The following NBAS variants were observed in gnomAD, a reference collection of about 807,000 sequenced individuals.
NBAS encodes NBAS subunit of NRZ tethering complex, also known as NAG/BC035112 fusion.
In NBAS, 219 loss-of-function variants were observed where a neutral mutation model predicts 302.5. That is an observed-to-expected ratio of 0.72 (90% CI 0.65 to 0.81). The LOEUF is 0.81. NBAS is among the 30% of genes least tolerant of loss of function. The probability of loss-of-function intolerance (pLI) is 0.00; values close to 1 mark genes in which losing one functional copy is unlikely to be tolerated. For missense variants in NBAS, 2,932 were observed against 2,841.6 expected (o/e 1.03, Z -0.72); for synonymous variants, 1,118 against 1,021.6 (o/e 1.09, Z -1.80).
chr2:15,467,432 C>A (rs1442958700), intron 18 of NBAS, 25 bp from the exon 19 acceptor site: 2 of 1,559,388 alleles, frequency 1.3e-6, no homozygotes, highest in East Asian at 4.5e-5. Context: ...TATGTTAGGC[C>A]ACTTATATTT....
At chr2:15,497,987 A>G (rs1173933269) in intron 11 of NBAS, among the ~76,000 whole-genome samples, 1 of 152,250 alleles carries the variant, frequency 6.6e-6, no homozygotes, top group African/African-American at 2.4e-5. Context: ...ACAAATTATT[A>G]AAGGAACTAA....
At chr2:15,478,200 C>A in intron 13 of NBAS, 26 bp downstream of exon 13, 1 of 1,484,096 alleles carries the variant, frequency 6.7e-7, no homozygotes, top group Non-Finnish European at 9.4e-7. Context: ...ATTAAGGTTT[C>A]AATTATCACA....
chr2:15,234,784 T>A, intron 45 of NBAS, 37 bp from the exon 46 acceptor site: 1 of 1,596,230 alleles, frequency 6.3e-7, no homozygotes, highest in Non-Finnish European at 8.6e-7. Context: ...AAGTATCAAA[T>A]AGAAATTAAA....
intron 38 of NBAS, among the ~76,000 whole-genome samples, chr2:15,319,148 A>G (rs11891475): frequency 0.044 from 6,755 of 152,274 alleles, 246 homozygotes; most frequent in African/African-American, 0.097. Context: ...CTGAATAACT[A>G]CTGGGTACAT....
chr2:15,496,472 C>T (rs990240705), intron 11 of NBAS, among the ~76,000 whole-genome samples: 1 of 151,988 alleles, frequency 6.6e-6, no homozygotes, highest in Non-Finnish European at 1.5e-5. Flanking sequence ...GTAAATTGTA[C>T]CACATGTGAA....
At chr2:15,262,109 C>T (rs1387101062) in intron 44 of NBAS, among the ~76,000 whole-genome samples, 1 of 152,168 alleles carries the variant, frequency 6.6e-6, no homozygotes, top group Admixed American at 6.5e-5. Context: ...TTCAGGAGTG[C>T]TCTAACCAGC....
chr2:15,255,159 T>G (rs544274689), intron 44 of NBAS, among the ~76,000 whole-genome samples: 1 of 152,332 alleles, frequency 6.6e-6, no homozygotes, highest in Non-Finnish European at 1.5e-5. Flanking sequence ...TCCATAGTGG[T>G]TGTACTAGTT....
the NBAS span, among the ~76,000 whole-genome samples, chr2:15,013,678 G>C: frequency 2.3e-4 from 35 of 152,132 alleles, no homozygotes; most frequent in African/African-American, 8.0e-4. Context: ...CATCTACTCA[G>C]GAGGCTGAGG....
chr2:14,964,764 G>C, the NBAS span, among the ~76,000 whole-genome samples: 1 of 151,928 alleles, frequency 6.6e-6, no homozygotes, highest in Admixed American at 6.6e-5. Context: ...AGGACACACT[G>C]GTCAGGATAG....
At chr2:15,143,391 A>C in the NBAS span, among the ~76,000 whole-genome samples, 7 of 152,288 alleles carry the variant, frequency 4.6e-5, no homozygotes, top group African/African-American at 1.4e-4. Flanking sequence ...CTGCAAATCC[A>C]ACACTGGTTG....
intron 38 of NBAS, among the ~76,000 whole-genome samples, chr2:15,318,746 A>G (rs1671641083): frequency 6.6e-6 from 1 of 152,228 alleles, no homozygotes; most frequent in African/African-American, 2.4e-5. Context: ...CCAGATTCAT[A>G]AAGCAAGTCC....
At chr2:15,264,547 G>C (rs1668988486) in intron 44 of NBAS, among the ~76,000 whole-genome samples, 1 of 152,172 alleles carries the variant, frequency 6.6e-6, no homozygotes, top group African/African-American at 2.4e-5. Context: ...CAGCTTGCCA[G>C]TCAGGCCAGT....
At chr2:15,219,316 CTTTTCTTTTTTTTTAA>C (rs1666813458) in intron 47 of NBAS, among the ~76,000 whole-genome samples, 3 of 129,012 alleles carry the variant, frequency 2.3e-5, no homozygotes, top group Non-Finnish European at 4.8e-5. Flanking sequence ...TTTTTTTTTT[CTTTTCTTTTTTTTTAA>C]TTTTTTTTTT....
chr2:14,892,561 TATTTA>T, the NBAS span, among the ~76,000 whole-genome samples: 5,779 of 152,316 alleles, frequency 0.038, 138 homozygotes, highest in Non-Finnish European at 0.051. Flanking sequence ...CTATGGCTGC[TATTTA>T]ATTTAACTAT....
chr2:15,078,788 C>G, the NBAS span, among the ~76,000 whole-genome samples: 1 of 152,170 alleles, frequency 6.6e-6, no homozygotes, highest in Non-Finnish European at 1.5e-5. Context: ...TGGTCCATAA[C>G]ACAGATGACG....
the NBAS span, among the ~76,000 whole-genome samples, chr2:14,799,503 T>C: frequency 6.6e-6 from 1 of 152,124 alleles, no homozygotes; most frequent in African/African-American, 2.4e-5. Flanking sequence ...AAAAGTCTTA[T>C]TTTTCTTCAC....
At chr2:15,455,151 C>T (rs779209969) in intron 21 of NBAS, among the ~76,000 whole-genome samples, 11 of 152,172 alleles carry the variant, frequency 7.2e-5, no homozygotes, top group Non-Finnish European at 1.3e-4. Context: ...GATCCGCCCA[C>T]CTTGGCCTCC....
chr2:15,523,649 C>T (rs1187413866), intron 9 of NBAS, among the ~76,000 whole-genome samples: 1 of 152,194 alleles, frequency 6.6e-6, no homozygotes, highest in East Asian at 1.9e-4. Flanking sequence ...CGCAGTGGCT[C>T]ATGCCTGTAA....
At chr2:15,017,354 G>T in the NBAS span, among the ~76,000 whole-genome samples, 1 of 151,868 alleles carries the variant, frequency 6.6e-6, no homozygotes, top group Non-Finnish European at 1.5e-5. Context: ...TCACAGCAAA[G>T]AAAACAACAG....
Sources: gnomAD v4.1 joint callset for allele counts (sites outside exome capture counted in the v4.1 genomes callset) on GRCh38, gnomAD v4.1.1 for gene constraint, MANE v1.5 for transcripts, NCBI Gene and HGNC (gene_info 2026-07-23, HGNC 2026-07-21) for gene names.